ENTPD8: variants seen among roughly 807,000 people sequenced by gnomAD.
The protein encoded by ENTPD8 is E-NTPDase 8.
Under a neutral mutation model 47.0 loss-of-function variants are expected in ENTPD8, and 35 were observed. The ratio of observed to expected loss-of-function variants is 0.75; its 90% CI spans 0.57 to 0.99. The LOEUF is 0.99. Among genes scored for constraint, ENTPD8 ranks in the 50% least tolerant of loss-of-function variants. The probability of loss-of-function intolerance (pLI) is 0.00; values close to 1 mark genes in which losing one functional copy is unlikely to be tolerated. For synonymous variants in ENTPD8, 308 were observed against 290.5 expected (o/e 1.06, Z -0.61); for missense variants, 668 against 649.9 (o/e 1.03, Z -0.30).
At chr9:137,435,622 G>A (rs1839323142) in intron 8 of ENTPD8, 97 bp downstream of exon 8, 1 of 1,269,932 alleles carries the variant, frequency 7.9e-7, no homozygotes, top group Admixed American at 2.0e-5. Context: ...GGCCCTGCTG[G>A]CCGTGCTGCC....
At chr9:137,437,826 G>A in intron 3 of ENTPD8, 141 bp downstream of exon 3, 1 of 766,018 alleles carries the variant, frequency 1.3e-6, no homozygotes, top group South Asian at 1.7e-5. Flanking sequence ...CGTGAACGCA[G>A]GCTCCGGCCC....
chr9:137,437,078 C>G, intron 4 of ENTPD8, 50 bp from the exon 5 acceptor site: 1 of 1,601,506 alleles, frequency 6.2e-7, no homozygotes, highest in Non-Finnish European at 8.5e-7. Flanking sequence ...CTGGGCCCGG[C>G]CCCACCCTGC....
At position 137,435,688 on chromosome 9, in the gene ENTPD8, G is replaced by A. The variant is rs143409695; in HGVS notation, c.1161+31C>T. On this transcript the variant is annotated intron_variant, in intron 8 of 9. Coordinates refer to ENST00000371506, the MANE Select transcript of ENTPD8 (RefSeq NM_001033113.2). ...CAGCCCTGTACCCTCAGGGACCCTC[G>A]CTGCAGCCAGGGAGCCCAGGGCCCA... 6.2e-3 allele frequency: 9,793 copies of A among 1,582,846 alleles called. 368 individuals carry two copies. The highest frequency in any genetic ancestry group is 2.4e-3 in the Non-Finnish European group (2,718 of 1,153,368).
rs768288350 is a variant in ENTPD8, at chr9:137,434,897, C to T, written c.*17G>A. ...AGCTGCCTGTGGGCTCTGTGGGGGC[C>T]CACCTCCGCCTTCCCACTAGTCCTG... On this transcript the variant is annotated 3_prime_UTR_variant, in exon 10 of 10. Coordinates refer to ENST00000371506, the MANE Select transcript of ENTPD8 (RefSeq NM_001033113.2). The T allele has an allele frequency of 3.8e-6, 6 of 1,594,326 alleles. No homozygotes were observed. The highest frequency in any genetic ancestry group is 2.7e-5 in the African/African-American group (2 of 74,652).
chr9:137,434,707 G>C lies in ENTPD8; in HGVS notation c.*207C>G. 1 of 688,254 alleles carries C rather than the reference G, an allele frequency of 1.5e-6. No individual in the cohort carries two copies. The highest frequency in any genetic ancestry group is 2.3e-6 in the Non-Finnish European group (1 of 426,084). The allele number at this position is 688,254 out of a possible 1,614,324, so 42.6% of individuals were successfully genotyped here. A position where few individuals can be genotyped will look rare whatever the true frequency, so the allele number is the denominator to read the frequency against. On this transcript the variant is annotated 3_prime_UTR_variant, in exon 10 of 10. Coordinates refer to ENST00000371506, the MANE Select transcript of ENTPD8 (RefSeq NM_001033113.2). ...CTACGGCCCTGGAAGCCCAGTTGCG[G>C]AAGGAGGTTGGGGGAGGGACGCCGG... is the stretch of plus-strand genomic sequence containing the variant.
chr9:137,437,207 C>T lies in ENTPD8; in HGVS notation c.347G>A (p.Arg116Gln), dbSNP rs759269087. ...ALVLIPEAQH[R>Q]KTPTFLGATA... ...GGCCCCCAGGAACGTGGGTGTTTTC[C>T]GATGCTGGGCCTCTGGGATCAGCAC... The change falls in exon 4 of 10, where the codon CGG (arginine) becomes CAG (glutamine). Residue 116 changes from arginine (R) to glutamine (Q), a missense_variant. Transcript: ENST00000371506. 29 of 1,612,912 alleles carry T rather than the reference C, an allele frequency of 1.8e-5. No homozygotes were observed. Among genetic ancestry groups the T allele is most frequent in the East Asian group, 6.7e-5 (3 of 44,902 alleles).
At chr9:137,436,411 C>G in intron 6 of ENTPD8, 110 bp downstream of exon 6, 2 of 1,344,964 alleles carry the variant, frequency 1.5e-6, no homozygotes, top group Non-Finnish European at 2.0e-6. Context: ...CCCACGCCAG[C>G]CCCGCGCCCA....
Position 137,438,357 on chromosome 9 carries a change from G to A in ENTPD8, c.-20-52C>T, listed in dbSNP as rs889646413. The A allele has an allele frequency of 1.9e-5, 28 of 1,448,262 alleles. No homozygotes were observed. In the African/African-American group the frequency reaches 2.3e-4, roughly 12 times the overall value. 89.7% of individuals were successfully genotyped at this position (1,448,262 alleles called of 1,614,324 possible). On this transcript the variant is annotated intron_variant, in intron 1 of 9. Coordinates refer to ENST00000371506, the MANE Select transcript of ENTPD8 (RefSeq NM_001033113.2). This position sits in a 1 kb window ranked among gnomAD's most constrained non-coding sequence, Gnocchi z 5.7. ...AGGCTGCACTTGGTGTCCCCATCCCGCCCTCCAGAGGCAGAGGCTTCGCTC... is the reference window on the plus strand; with the variant it reads ...AGGCTGCACTTGGTGTCCCCATCCCACCCTCCAGAGGCAGAGGCTTCGCTC...
At position 137,436,804 on chromosome 9, in the gene ENTPD8, G is replaced by A. The variant is rs988484839; in HGVS notation, c.556-53C>T. The A allele has an allele frequency of 6.6e-5, 105 of 1,602,136 alleles. No individual in the cohort carries two copies. In the South Asian group the frequency reaches 8.5e-4, roughly 13 times the overall value. The stretch of plus-strand genomic sequence containing the variant: ...GGAGCAGCCACCCGGACCCCGTCCC[G>A]GTCAGCCAGCCCCAGACACCAGCCC... On this transcript the variant is annotated intron_variant, in intron 5 of 9. Coordinates refer to ENST00000371506, the MANE Select transcript of ENTPD8 (RefSeq NM_001033113.2).
Position 137,438,150 on chromosome 9 carries a change from G to T in ENTPD8, c.126+10C>A, listed in dbSNP as rs1421735631. On this transcript the variant is annotated intron_variant, in intron 2 of 9. Coordinates refer to ENST00000371506, the MANE Select transcript of ENTPD8 (RefSeq NM_001033113.2). This position sits in a 1 kb window ranked among gnomAD's most constrained non-coding sequence, Gnocchi z 5.7. ...ACCCGGCCCGGCCTCCCCTGCCGGC[G>T]GGGACGCACCTTGATGTCTGTGGGC... is the stretch of plus-strand genomic sequence containing the variant. The T allele has an allele frequency of 2.5e-6, 4 of 1,609,282 alleles. No individual in the cohort carries two copies. In the African/African-American group the frequency reaches 5.3e-5, roughly 21 times the overall value.
At position 137,437,962 on chromosome 9, in the gene ENTPD8, C is replaced by T. The variant is rs1839414860; in HGVS notation, c.244+5G>A. 6.2e-7 allele frequency: 1 copy of T among 1,610,774 alleles called. No homozygotes were observed. Among genetic ancestry groups the T allele is most frequent in the South Asian group, 1.1e-5 (1 of 90,948 alleles). On this transcript the variant is annotated splice_donor_5th_base_variant and intron_variant, in intron 3 of 9. Coordinates refer to ENST00000371506, the MANE Select transcript of ENTPD8 (RefSeq NM_001033113.2). Reference sequence around the variant, plus strand: ...CAGCACCGGGCTGCAGAACAGCCCACTAACCTTCCACCTGGCAGGCCAGGG... The same window carrying T: ...CAGCACCGGGCTGCAGAACAGCCCATTAACCTTCCACCTGGCAGGCCAGGG...
At position 137,434,563 on chromosome 9, in the gene ENTPD8, A is replaced by C; in HGVS notation, c.*351T>G. 1.6e-6 allele frequency: 1 copy of C among 625,624 alleles called. No individual in the cohort carries two copies. The highest frequency in any genetic ancestry group is 2.7e-6 in the Non-Finnish European group (1 of 372,238). 38.8% of individuals were successfully genotyped at this position (625,624 alleles called of 1,614,324 possible). A position where few individuals can be genotyped will look rare whatever the true frequency, so the allele number is the denominator to read the frequency against. On this transcript the variant is annotated 3_prime_UTR_variant, in exon 10 of 10. Transcript: ENST00000371506. ...CCCTCTCCGCCCCTCCTGAGGCCCC[A>C]TCAGGAGCAGGACCCCTGTGCCTCC...
At position 137,437,036 on chromosome 9, in the gene ENTPD8, C is replaced by T. The variant is rs761133443; in HGVS notation, c.396-8G>A. The stretch of plus-strand genomic sequence containing the variant: ...TGAGAGCTGTTCTTCCGGCTGGGCA[C>T]AGAGGACCAGGGGCTGGAGCTGGCT... On this transcript the variant is annotated splice_polypyrimidine_tract_variant and splice_region_variant and intron_variant, in intron 4 of 9. Coordinates refer to ENST00000371506, the MANE Select transcript of ENTPD8 (RefSeq NM_001033113.2). The T allele has an allele frequency of 5.0e-6, 8 of 1,611,226 alleles. No individual in the cohort carries two copies. In the East Asian group the frequency reaches 1.6e-4, roughly 31 times the overall value.
rs1400618075 is a variant in ENTPD8 at position 137,437,221 on chromosome 9, T to A, written c.333A>T (p.Pro111=). The change falls in exon 4 of 10, where the codon CCA becomes CCT. Residue 111 remains proline (P), a synonymous_variant. Coordinates refer to ENST00000371506, the MANE Select transcript of ENTPD8 (RefSeq NM_001033113.2). The part of the protein sequence containing the change: ...GCLEEALVLI[P]EAQHRKTPTF... ...TGGGTGTTTTCCGATGCTGGGCCTC[T>A]GGGATCAGCACCAGCGCCTCCTCCA... 2 of 1,613,022 alleles carry A rather than the reference T, an allele frequency of 1.2e-6. No homozygotes were observed. The highest frequency in any genetic ancestry group is 1.7e-6 in the Non-Finnish European group (2 of 1,179,990).
intron 7 of ENTPD8, 22 bp from the exon 8 acceptor site, chr9:137,435,851 T>C: frequency 6.2e-7 from 1 of 1,609,768 alleles, no homozygotes; most frequent in East Asian, 2.2e-5. Context: ...GGGAGGTGGC[T>C]GTGCCTTCGC....
chr9:137,436,424 C>T (rs1045129252), intron 6 of ENTPD8, 97 bp downstream of exon 6: 207 of 1,336,144 alleles, frequency 1.5e-4, no homozygotes, highest in South Asian at 2.6e-4. Context: ...CGCGCCCATA[C>T]CCTGTGCCCC....
Position 137,436,995 on chromosome 9 carries a change from A to G in ENTPD8, c.429T>C (p.Phe143=), listed in dbSNP as rs752733354. 6.2e-7 allele frequency: 1 copy of G among 1,612,892 alleles called. No individual in the cohort carries two copies. Among genetic ancestry groups the G allele is most frequent in the Non-Finnish European group, 8.5e-7 (1 of 1,179,926 alleles). The change falls in exon 5 of 10, where the codon TTT becomes TTC. Residue 143 remains phenylalanine, a synonymous_variant. Transcript: ENST00000371506. The part of the protein sequence containing the change: ...RKNSSQARDI[F]AAVTQVLGRS... ...GGCCCAGGACCTGGGTGACTGCTGC[A>G]AAGATGTCCCTGGCCTGAGAGCTGT...
intron 4 of ENTPD8, 41 bp downstream of exon 4, chr9:137,437,115 TCTG>T: frequency 6.2e-7 from 1 of 1,604,320 alleles, no homozygotes; most frequent in Non-Finnish European, 8.5e-7. Context: ...GACCATGGCT[TCTG>T]CAGCCACTCC....
chr9:137,437,175 C>A lies in ENTPD8; in HGVS notation c.379G>T (p.Gly127Cys). 6.2e-7 allele frequency: 1 copy of A among 1,612,720 alleles called. No individual in the cohort carries two copies. Among genetic ancestry groups the A allele is most frequent in the Non-Finnish European group, 8.5e-7 (1 of 1,179,920 alleles). The change falls in exon 4 of 10, where the codon GGC becomes TGC. Residue 127 changes from glycine (G) to cysteine (C), a missense_variant. Physicochemically the swap from Gly to Cys is radical, Grantham distance 159 (BLOSUM62 -3). Coordinates refer to ENST00000371506, the MANE Select transcript of ENTPD8 (RefSeq NM_001033113.2). ...KTPTFLGATA[G>C]MRLLSRKNSS... ...CTGCCTCACCTGAGCAACCTCATGC[C>A]AGCCGTGGCCCCCAGGAACGTGGGT...
Sources: gnomAD v4.1 joint callset for allele counts on GRCh38, gnomAD v4.1.1 for gene constraint, Gnocchi (gnomAD v3.1) non-coding constraint, MANE v1.5 for transcripts, NCBI Gene and HGNC (gene_info 2026-07-23, HGNC 2026-07-21) for gene names.